The following RECK variants were observed in gnomAD, a reference collection of about 807,000 sequenced individuals.
The protein encoded by RECK is reversion inducing cysteine rich protein with kazal motifs, also known as reversion-inducing cysteine-rich protein with Kazal motifs.
Under a neutral mutation model 115.1 loss-of-function variants are expected in RECK, and 69 were observed. The ratio of observed to expected loss-of-function variants is 0.60; its 90% CI spans 0.49 to 0.73. The LOEUF (loss-of-function observed/expected upper bound fraction) is 0.73. Ranked by LOEUF, RECK falls within the 30% of genes least tolerant of loss-of-function variation. The probability of loss-of-function intolerance (pLI) is 0.00; values close to 1 mark genes in which losing one functional copy is unlikely to be tolerated. For missense variants in RECK, 1,047 were observed against 1,203.7 expected (o/e 0.87, Z 1.93); for synonymous variants, 414 against 419.7 (o/e 0.99, Z 0.17).
At chr9:36,055,986 C>T (rs532324517) in intron 2 of RECK, among the ~76,000 whole-genome samples, 18 of 151,862 alleles carry the variant, frequency 1.2e-4, no homozygotes, top group South Asian at 4.2e-4. Flanking sequence ...CTTTTTCAAT[C>T]GATTTTTCTT....
At chr9:36,070,235 C>T (rs1050820303) in intron 6 of RECK, among the ~76,000 whole-genome samples, 2 of 151,906 alleles carry the variant, frequency 1.3e-5, no homozygotes, top group African/African-American at 4.8e-5. Context: ...AACATAGTAA[C>T]AGTAGCATTT....
chr9:36,105,356 T>G, intron 13 of RECK, 73 bp downstream of exon 13: 4 of 1,492,936 alleles, frequency 2.7e-6, no homozygotes, highest in Non-Finnish European at 3.7e-6. Context: ...CTATCTTTCT[T>G]TTTTTCAATC....
At chr9:36,122,010 G>C (rs1244078936) in intron 20 of RECK, among the ~76,000 whole-genome samples, 1 of 152,180 alleles carries the variant, frequency 6.6e-6, no homozygotes, top group African/African-American at 2.4e-5. Flanking sequence ...CCATTGTACA[G>C]ACGAGGCAGC....
chr9:36,051,736 A>G (rs1039061730), intron 1 of RECK, among the ~76,000 whole-genome samples: 3 of 151,962 alleles, frequency 2.0e-5, no homozygotes, highest in Non-Finnish European at 4.4e-5. Context: ...TCATTTCCAT[A>G]TACTCCTTTA....
chr9:36,109,849 A>T, intron 14 of RECK, 108 bp from the exon 15 acceptor site: 1 of 1,190,904 alleles, frequency 8.4e-7, no homozygotes, highest in South Asian at 1.4e-5. Flanking sequence ...TCTCAAAAAA[A>T]AAAAAAGGAA....
chr9:36,054,870 A>G (rs1426814624), intron 2 of RECK, among the ~76,000 whole-genome samples: 2 of 152,182 alleles, frequency 1.3e-5, no homozygotes, highest in Non-Finnish European at 2.9e-5. Context: ...ATTAGTTAAT[A>G]TTTTTGAGTT....
rs374243748 is a variant in RECK at position 36,063,864 on chromosome 9, G to C, written c.341G>C (p.Arg114Pro). 1.2e-6 allele frequency: 2 copies of C among 1,613,954 alleles called. No individual in the cohort carries two copies. The highest frequency in any genetic ancestry group is 2.2e-5 in the South Asian group (2 of 91,060). The change falls in exon 5 of 21, where the codon CGA (arginine) becomes CCA (proline). Residue 114 changes from arginine to proline, a missense_variant. By Grantham distance (103) the Arg-to-Pro change is moderately radical (BLOSUM62 -2). Transcript: ENST00000377966. ...CCELAIALEC[R>P]QACKQASSKN... ...GAACTGGCTATTGCCTTGGAGTGTC[G>C]ACAGGCATGCAAGCAGGTAACACTG...
intron 1 of RECK, among the ~76,000 whole-genome samples, chr9:36,039,324 A>G (rs1042135096): frequency 2.0e-5 from 3 of 152,262 alleles, no homozygotes; most frequent in African/African-American, 4.8e-5. Context: ...AATGCTTTTC[A>G]ATCCTAAACA....
intron 10 of RECK, among the ~76,000 whole-genome samples, chr9:36,100,096 GAA>G (rs1445497866): frequency 4.6e-5 from 7 of 152,192 alleles, no homozygotes; most frequent in Non-Finnish European, 8.8e-5. Flanking sequence ...GGAGAATTGT[GAA>G]GTTTTAAACT....
intron 10 of RECK, among the ~76,000 whole-genome samples, chr9:36,091,900 G>A (rs1588318246): frequency 1.3e-5 from 2 of 152,264 alleles, no homozygotes; most frequent in Middle Eastern, 3.4e-3. Context: ...CCGGAAGCAC[G>A]AAATGAGAGA....
In RECK at chr9:36,043,038, T is replaced by TTTTG. The variant is rs1351361271; in HGVS notation, c.100+5942_100+5943insTGTT. Among the ~76,000 whole-genome samples the TTTTG allele has an allele frequency of 7.6e-5, 10 of 131,054 alleles. 1 individual carries two copies. The highest frequency in any genetic ancestry group is 2.7e-4 in the African/African-American group (9 of 33,440). The allele number at this position is 131,054 out of a possible 152,430, so 86.0% of individuals were successfully genotyped here. ...TTTTTTTTTTTTTTTTTTTTTTTTT[T>TTTTG]TTGTTGAGACGGAGTCTCGCTCTGT... On this transcript the variant is annotated intron_variant, in intron 1 of 20. Coordinates refer to ENST00000377966, the MANE Select transcript of RECK (RefSeq NM_021111.3).
At chr9:36,076,825 G>A (rs1822469356) in intron 6 of RECK, among the ~76,000 whole-genome samples, 1 of 152,174 alleles carries the variant, frequency 6.6e-6, no homozygotes, top group Admixed American at 6.5e-5. Flanking sequence ...TAGGGGACTG[G>A]TTAAATAGAT....
chr9:36,118,643 T>A (rs1304886428), intron 17 of RECK, 114 bp from the exon 18 acceptor site: 4 of 1,020,798 alleles, frequency 3.9e-6, no homozygotes, highest in Non-Finnish European at 5.7e-6. Flanking sequence ...GTCCTCATAA[T>A]TTATACCTGT....
In RECK at chr9:36,117,107, A is replaced by G; in HGVS notation, c.2183A>G (p.His728Arg). 6.2e-7 allele frequency: 1 copy of G among 1,614,178 alleles called. No individual in the cohort carries two copies. Reference sequence around the variant, plus strand: ...CAAGATCCTGTTTGTGACACAGACCACATGGAGCACAACAATCTCTGCACT... The same window carrying G: ...CAAGATCCTGTTTGTGACACAGACCGCATGGAGCACAACAATCTCTGCACT... The part of the protein sequence containing the change: ...QVQDPVCDTD[H>R]MEHNNLCTLY... The change falls in exon 17 of 21, where the codon CAC becomes CGC. Residue 728 changes from histidine (H) to arginine (R), a missense_variant. Physicochemically the swap from His to Arg is conservative, Grantham distance 29. Coordinates refer to ENST00000377966, the MANE Select transcript of RECK (RefSeq NM_021111.3).
chr9:36,044,753 A>G (rs952065853), intron 1 of RECK, among the ~76,000 whole-genome samples: 3 of 152,224 alleles, frequency 2.0e-5, no homozygotes, highest in Admixed American at 6.5e-5. Context: ...GCCTTGCAAT[A>G]TGTTTGGAGT....
rs1823592662 is a variant in RECK at position 36,102,232 on chromosome 9, TA to T, written c.1435+4del. On this transcript the variant is annotated splice_donor_region_variant and intron_variant, in intron 12 of 20. Transcript: ENST00000377966. The stretch of plus-strand genomic sequence containing the variant: ...GTATACCTTTGGATACATACCTCAG[TA>T]AGTACTTTTTTGTATGTGTGTTTTT... The T allele has an allele frequency of 6.3e-7, 1 of 1,594,098 alleles. No homozygotes were observed. The highest frequency in any genetic ancestry group is 1.4e-5 in the African/African-American group (1 of 73,732).
intron 7 of RECK, among the ~76,000 whole-genome samples, chr9:36,080,887 G>A (rs1822655107): frequency 6.6e-6 from 1 of 152,172 alleles, no homozygotes. Context: ...GCTATATAAT[G>A]TAGCACTTGC....
At position 36,112,495 on chromosome 9, in the gene RECK, T is replaced by C. The variant is rs1824093908; in HGVS notation, c.2060+19T>C. The C allele has an allele frequency of 1.2e-6, 2 of 1,611,768 alleles. No homozygotes were observed. Among genetic ancestry groups the C allele is most frequent in the East Asian group, 2.2e-5 (1 of 44,878 alleles). The stretch of plus-strand genomic sequence containing the variant: ...ACCAAAGGTAAGTCAAATGGCTTCT[T>C]ATTTTATTCAACTGAAGACTAGTAC... On this transcript the variant is annotated intron_variant, in intron 16 of 20. Coordinates refer to ENST00000377966, the MANE Select transcript of RECK (RefSeq NM_021111.3).
intron 12 of RECK, 135 bp downstream of exon 12, chr9:36,102,365 C>A: frequency 1.3e-6 from 1 of 763,928 alleles, no homozygotes. Flanking sequence ...CAATCACAGA[C>A]TCTTGTTTGC....
Sources: allele counts gnomAD v4.1 joint callset (sites outside exome capture counted in the v4.1 genomes callset), GRCh38; gene constraint gnomAD v4.1.1; transcripts MANE v1.5; gene names NCBI Gene and HGNC (gene_info 2026-07-23, HGNC 2026-07-21).